KIF15: variants seen among roughly 807,000 people sequenced by gnomAD.
KIF15 encodes kinesin-like protein KIF15.
Under a neutral mutation model 190.6 loss-of-function variants are expected in KIF15, and 140 were observed. That is an observed-to-expected ratio of 0.73 (90% confidence interval 0.64 to 0.84). The LOEUF (loss-of-function observed/expected upper bound fraction) is 0.84, where lower values mean the gene tolerates loss of function less well. Ranked by LOEUF, KIF15 falls within the 40% of genes least tolerant of loss-of-function variation. The pLI is 0.00. For missense variants in KIF15, 1,372 were observed against 1,584.4 expected, an observed-to-expected ratio of 0.87 and a Z score of 2.28; for synonymous variants, 528 against 551.3, an observed-to-expected ratio of 0.96 and a Z score of 0.59.
chr3:44,800,529 C>G, intron 11 of KIF15, 92 bp downstream of exon 11: 1 of 1,421,170 alleles, frequency 7.0e-7, no homozygotes, highest in Non-Finnish European at 9.6e-7. Context: ...AATAAGGCAA[C>G]CCAAATTTTT....
chr3:44,786,514 G>A lies in KIF15; in HGVS notation c.579G>A (p.Lys193=), dbSNP rs149849238. 4 of 1,613,388 alleles carry A rather than the reference G, an allele frequency of 2.5e-6. No individual in the cohort carries two copies. The highest frequency in any genetic ancestry group is 3.4e-6 in the Non-Finnish European group (4 of 1,179,506). ...TGTACTTAAGGGAGCATATCAAGAA[G>A]GGAGTCTTTGTTGTTGGTGCGGTGG... The part of the protein sequence containing the change: ...AGLYLREHIK[K]GVFVVGAVEQ... The change falls in exon 7 of 35, where the codon AAG becomes AAA. Residue 193 remains lysine, a synonymous_variant. Coordinates refer to ENST00000326047, the MANE Select transcript of KIF15 (RefSeq NM_020242.3).
rs763459304 is a variant in KIF15 at position 44,778,165 on chromosome 3, C to T, written c.297C>T (p.Ser99=). The change falls in exon 4 of 35, where the codon AGC becomes AGT. Residue 99 remains serine (S), a synonymous_variant. Coordinates refer to ENST00000326047, the MANE Select transcript of KIF15 (RefSeq NM_020242.3). Reference sequence around the variant, plus strand: ...AAAGCATTGTGGAGTCTTGCATGAGCGGTTATAATGGTACCATCTTTGCAT... The same window carrying T: ...AAAGCATTGTGGAGTCTTGCATGAGTGGTTATAATGGTACCATCTTTGCAT... ...VAKSIVESCM[S]GYNGTIFAYG... 25 of 1,613,460 alleles carry T rather than the reference C, an allele frequency of 1.5e-5. No homozygotes were observed. The highest frequency in any genetic ancestry group is 1.9e-5 in the Non-Finnish European group (22 of 1,179,408).
downstream of KIF15, among the ~76,000 whole-genome samples, chr3:44,856,041 G>C (rs1699184618): frequency 6.6e-6 from 1 of 152,152 alleles, no homozygotes; most frequent in African/African-American, 2.4e-5. Flanking sequence ...CCAAGAGCCT[G>C]AGAAACTGCT....
Position 44,780,099 on chromosome 3 carries a change from G to C in KIF15, c.324-786G>C, listed in dbSNP as rs182391996. 5.5e-3 allele frequency among the ~76,000 whole-genome samples: 785 copies of C among 143,196 alleles called. 3 individuals are homozygous for C. The highest frequency in any genetic ancestry group is 0.022 in the Middle Eastern group (6 of 278). The allele number at this position is 143,196 out of a possible 152,430, so 93.9% of individuals were successfully genotyped here. On this transcript the variant is annotated intron_variant, in intron 4 of 34. Coordinates refer to ENST00000326047, the MANE Select transcript of KIF15 (RefSeq NM_020242.3). ...TTTTTTTTTTTTTTTTAAAAGAGAT[G>C]GAGTCTTGTTATGTTGCCCAGTCCT... is the stretch of plus-strand genomic sequence containing the variant.
At chr3:44,865,486 C>T in intron 6 of KIF15, 2 of 346,542 alleles carry the variant, frequency 5.8e-6, no homozygotes, top group Non-Finnish European at 1.1e-5. Context: ...GTACTTGAAA[C>T]CACGCTGTAA....
chr3:44,830,266 G>A (rs1049065689), intron 25 of KIF15, among the ~76,000 whole-genome samples, 191 bp downstream of exon 25: 4 of 152,198 alleles, frequency 2.6e-5, no homozygotes, highest in African/African-American at 9.6e-5. Context: ...TGTGTAGTAT[G>A]TATCTCTGGG....
In KIF15 at chr3:44,831,069, A is replaced by G. The variant is rs201923936; in HGVS notation, c.3171+51A>G. 4.1e-5 allele frequency: 65 copies of G among 1,582,176 alleles called. 1 individual carries two copies. Among genetic ancestry groups the G allele is most frequent in the South Asian group, 2.3e-5 (2 of 86,994 alleles). ...TTTGTTTGCCTTATTACTTGTCAAT[A>G]TGTGTATTTGTGTGTGGAAGTTATT... On this transcript the variant is annotated intron_variant, in intron 26 of 34. Coordinates refer to ENST00000326047, the MANE Select transcript of KIF15 (RefSeq NM_020242.3).
At chr3:44,797,019 T>G (rs147414697) in intron 8 of KIF15, among the ~76,000 whole-genome samples, 14 of 152,180 alleles carry the variant, frequency 9.2e-5, no homozygotes, top group African/African-American at 3.1e-4. Flanking sequence ...ATGATTTTTG[T>G]GTTTGTCTTT....
At chr3:44,838,513 G>T (rs145914404) in intron 27 of KIF15, 92 bp downstream of exon 27, 3 of 1,285,410 alleles carry the variant, frequency 2.3e-6, no homozygotes, top group Non-Finnish European at 3.2e-6. Flanking sequence ...AGAGGCCAAG[G>T]GGGTGGACCA....
rs969606570 is a variant in KIF15, at chr3:44,827,102, C to T, written c.2787-357C>T. 1.6e-5 allele frequency: 7 copies of T among 451,452 alleles called. No individual in the cohort carries two copies. The East Asian group carries it at 2.7e-4, about 17-fold the overall frequency. The allele number at this position is 451,452 out of a possible 1,614,324, so 28.0% of individuals were successfully genotyped here. On this transcript the variant is annotated intron_variant, in intron 22 of 34. Transcript: ENST00000326047. ...TTATTGATATCCAACAAGCCAGGCA[C>T]TGATCTGGTGAATTCCAGAACATTT...
At chr3:44,802,506 C>T (rs969871556) in intron 13 of KIF15, among the ~76,000 whole-genome samples, 1 of 152,136 alleles carries the variant, frequency 6.6e-6, no homozygotes, top group Admixed American at 6.6e-5. Context: ...GGTCCTTGTT[C>T]TTTTCAGTGT....
At chr3:44,820,845 C>T (rs1415225938) in intron 20 of KIF15, among the ~76,000 whole-genome samples, 2 of 152,232 alleles carry the variant, frequency 1.3e-5, no homozygotes, top group Non-Finnish European at 1.5e-5. Context: ...CATCATGGCC[C>T]GTTCTCAATG....
Position 44,800,358 on chromosome 3 carries a change from A to G in KIF15, c.1143A>G (p.Gln381=), listed in dbSNP as rs1196464804. 1 of 1,614,222 alleles carries G rather than the reference A, an allele frequency of 6.2e-7. No homozygotes were observed. The highest frequency in any genetic ancestry group is 8.5e-7 in the Non-Finnish European group (1 of 1,180,034). The part of the protein sequence containing the change: ...EDTQGNVSQL[Q]AEVKRLKEQL... ...CCCAAGGAAATGTGAGCCAGCTCCAAGCTGAAGTGAAGAGGCTCAAAGAAC... is the reference window on the plus strand; with the variant it reads ...CCCAAGGAAATGTGAGCCAGCTCCAGGCTGAAGTGAAGAGGCTCAAAGAAC... Residue 381 remains glutamine, a synonymous_variant, in exon 11 of 35, where the codon CAA becomes CAG. Coordinates refer to ENST00000326047, the MANE Select transcript of KIF15 (RefSeq NM_020242.3).
intron 6 of KIF15, chr3:44,865,102 C>G (rs780799543): frequency 6.2e-7 from 1 of 1,614,050 alleles, no homozygotes; most frequent in East Asian, 2.2e-5. Flanking sequence ...GAGGAGTGTT[C>G]CTTATTCTCT....
chr3:44,763,671 G>C (rs534756606), intron 1 of KIF15, among the ~76,000 whole-genome samples: 1 of 151,704 alleles, frequency 6.6e-6, no homozygotes, highest in East Asian at 1.9e-4. Context: ...AAATGAAAAA[G>C]TGAAATATAC....
intron 1 of KIF15, among the ~76,000 whole-genome samples, chr3:44,762,168 G>A (rs1705179403): frequency 6.6e-6 from 1 of 152,160 alleles, no homozygotes; most frequent in Non-Finnish European, 1.5e-5. Context: ...TCTTTCCCTT[G>A]GTTCTGCTGT....
At chr3:44,765,577 C>T (rs1006003510) in intron 1 of KIF15, among the ~76,000 whole-genome samples, 1 of 152,142 alleles carries the variant, frequency 6.6e-6, no homozygotes, top group African/African-American at 2.4e-5. Flanking sequence ...GCTGATTGCT[C>T]TATTGTTTTT....
rs777570812 is a variant in KIF15, at chr3:44,841,072, A to G, written c.3421-2A>G. The G allele has an allele frequency of 3.1e-6, 5 of 1,600,114 alleles. No individual in the cohort carries two copies. The Admixed American group carries it at 9.0e-5, about 29-fold the overall frequency. On this transcript the variant is annotated splice_acceptor_variant, in intron 28 of 34. Coordinates refer to ENST00000326047, the MANE Select transcript of KIF15 (RefSeq NM_020242.3). LOFTEE classifies it high-confidence loss of function. The stretch of plus-strand genomic sequence containing the variant: ...TTTGGATGAGATGTGATTTTATTTT[A>G]GAGTCCTAAGACACCACCTCACTTT...
Position 44,852,822 on chromosome 3 carries a change from G to A in KIF15, c.*87G>A. ...AAGACCTACTCCTGGCCACTTAGGA[G>A]AGCTGAATTTATGGACCTTAATTAT... is the stretch of plus-strand genomic sequence containing the variant. On this transcript the variant is annotated 3_prime_UTR_variant, in exon 35 of 35. Transcript: ENST00000326047. The A allele has an allele frequency of 9.5e-7, 1 of 1,050,374 alleles. No homozygotes were observed. The highest frequency in any genetic ancestry group is 1.4e-6 in the Non-Finnish European group (1 of 714,946). The allele number at this position is 1,050,374 out of a possible 1,614,324, so 65.1% of individuals were successfully genotyped here.
Sources: allele counts gnomAD v4.1 joint callset (sites outside exome capture counted in the v4.1 genomes callset), GRCh38; gene constraint gnomAD v4.1.1; transcripts MANE v1.5; gene names NCBI Gene and HGNC (gene_info 2026-07-23, HGNC 2026-07-21).